GRIP1: variants seen among roughly 807,000 people sequenced by gnomAD.
GRIP1 encodes the protein glutamate receptor interacting protein 1, also known as glutamate receptor-interacting protein 1.
A neutral mutation model predicts 129.9 loss-of-function variants in GRIP1; 45 were observed. The ratio of observed to expected loss-of-function variants is 0.35; its 90% CI spans 0.27 to 0.44. The LOEUF (loss-of-function observed/expected upper bound fraction) is 0.44, where lower values mean the gene tolerates loss of function less well. GRIP1 is among the 20% of genes least tolerant of loss of function. GRIP1 has a pLI of 1.00. For missense variants in GRIP1, 1,196 were observed against 1,396.8 expected (o/e 0.86, Z 2.29); for synonymous variants, 530 against 520.8 (o/e 1.02, Z -0.24).
intron 7 of GRIP1, among the ~76,000 whole-genome samples, chr12:66,473,512 G>A (rs1237893292): frequency 6.6e-6 from 1 of 152,226 alleles, no homozygotes; most frequent in Admixed American, 6.5e-5. Context: ...TGGGTCCCTT[G>A]AGGGGACAGT....
intron 15 of GRIP1, among the ~76,000 whole-genome samples, chr12:66,412,306 G>C (rs953850928): frequency 3.3e-5 from 5 of 152,338 alleles, no homozygotes; most frequent in Non-Finnish European, 4.4e-5. Flanking sequence ...CTACAAGCCA[G>C]AAGAGTTTGG....
chr12:66,449,189 C>A (rs537600482), intron 11 of GRIP1, among the ~76,000 whole-genome samples: 12 of 152,320 alleles, frequency 7.9e-5, no homozygotes, highest in Non-Finnish European at 1.8e-4. Context: ...CCACCTGACC[C>A]TGAGTTTTTG....
At chr12:66,760,812 T>A (rs2037451549) in intron 1 of GRIP1, among the ~76,000 whole-genome samples, 1 of 152,078 alleles carries the variant, frequency 6.6e-6, no homozygotes, top group East Asian at 1.9e-4. Context: ...CTGGAACTTT[T>A]CTCAGATCAA....
At chr12:67,027,901 T>A (rs934895906) in intron 1 of GRIP1, among the ~76,000 whole-genome samples, 1 of 152,146 alleles carries the variant, frequency 6.6e-6, no homozygotes, top group African/African-American at 2.4e-5. Flanking sequence ...TGACCAGATA[T>A]GCCTCTTGAA....
At chr12:66,753,138 A>G (rs2037179721) in intron 1 of GRIP1, among the ~76,000 whole-genome samples, 1 of 152,102 alleles carries the variant, frequency 6.6e-6, no homozygotes, top group Non-Finnish European at 1.5e-5. Flanking sequence ...TCATGCTCTT[A>G]TATCCTAGGT....
At chr12:66,682,865 A>G (rs2034638158), upstream of GRIP1, among the ~76,000 whole-genome samples, 1 of 152,202 alleles carries the variant, frequency 6.6e-6, no homozygotes, top group African/African-American at 2.4e-5. Context: ...CACTTTCTTC[A>G]ACTTCATAAA....
chr12:66,823,597 AT>A (rs1319341415), intron 1 of GRIP1, among the ~76,000 whole-genome samples: 7 of 152,156 alleles, frequency 4.6e-5, no homozygotes, highest in Non-Finnish European at 7.4e-5. Context: ...AAAAATTAAG[AT>A]TTTGTACTTT....
At chr12:66,385,059 G>A (rs1464888423) in intron 19 of GRIP1, among the ~76,000 whole-genome samples, 1 of 152,180 alleles carries the variant, frequency 6.6e-6, no homozygotes, top group African/African-American at 2.4e-5. Flanking sequence ...GGGAATAAAT[G>A]AGGCAGCCCA....
intron 6 of GRIP1, among the ~76,000 whole-genome samples, chr12:66,517,627 G>T (rs2060884665): frequency 6.6e-6 from 1 of 152,084 alleles, no homozygotes; most frequent in African/African-American, 2.4e-5. Flanking sequence ...AAACTGATCA[G>T]CTCTGAAAGG....
intron 1 of GRIP1, among the ~76,000 whole-genome samples, chr12:66,912,958 G>A (rs893496031): frequency 2.0e-5 from 3 of 152,106 alleles, no homozygotes; most frequent in Admixed American, 6.6e-5. Flanking sequence ...CAGGTACCAC[G>A]TGTTCATGCC....
At chr12:66,909,370 T>G (rs2040991506) in intron 1 of GRIP1, among the ~76,000 whole-genome samples, 1 of 152,208 alleles carries the variant, frequency 6.6e-6, no homozygotes, top group African/African-American at 2.4e-5. Flanking sequence ...TTGGGGTGAA[T>G]GCTAAATTCA....
intron 1 of GRIP1, among the ~76,000 whole-genome samples, chr12:66,849,028 C>T (rs769932440): frequency 2.2e-4 from 33 of 152,158 alleles, no homozygotes; most frequent in Non-Finnish European, 5.9e-5. Context: ...CTCCATCCTG[C>T]ATATTGCTGC....
At chr12:67,010,216 T>A (rs766055068) in intron 1 of GRIP1, among the ~76,000 whole-genome samples, 14 of 151,990 alleles carry the variant, frequency 9.2e-5, no homozygotes, top group Non-Finnish European at 1.9e-4. Flanking sequence ...AAGAAAAAAA[T>A]TTAAATGAAT....
At chr12:66,684,532 T>C (rs190838944) in intron 1 of GRIP1, among the ~76,000 whole-genome samples, 207 of 152,222 alleles carry the variant, frequency 1.4e-3, no homozygotes, top group Non-Finnish European at 2.4e-3. Context: ...TCAGCCCAAA[T>C]TTGCTCCCTC....
chr12:66,528,771 A>G (rs2061348591), intron 5 of GRIP1, among the ~76,000 whole-genome samples: 1 of 152,170 alleles, frequency 6.6e-6, no homozygotes, highest in African/African-American at 2.4e-5. Context: ...CTCTGTATTA[A>G]TGAACCAAAA....
intron 15 of GRIP1, among the ~76,000 whole-genome samples, chr12:66,419,453 T>C (rs754425183): frequency 1.4e-4 from 21 of 152,102 alleles, no homozygotes; most frequent in Non-Finnish European, 2.1e-4. Flanking sequence ...AAAAGTATAA[T>C]TGGATTGTTT....
intron 4 of GRIP1, among the ~76,000 whole-genome samples, chr12:66,533,225 AG>A (rs1161469592): frequency 6.6e-6 from 1 of 152,054 alleles, no homozygotes; most frequent in Non-Finnish European, 1.5e-5. Flanking sequence ...TAATTGAGAC[AG>A]GGTCTTTCTA....
At chr12:66,451,657 G>A (rs189337961) in intron 11 of GRIP1, among the ~76,000 whole-genome samples, 115 of 151,808 alleles carry the variant, frequency 7.6e-4, no homozygotes, top group African/African-American at 2.7e-3. Flanking sequence ...TGATCCACCC[G>A]CCTCAGCCTC....
chr12:66,838,187 T>TA (rs56259335), intron 1 of GRIP1, among the ~76,000 whole-genome samples: 76,925 of 137,432 alleles, frequency 0.56, 23,942 homozygotes, highest in Non-Finnish European at 0.72. Context: ...AGACTCCACC[T>TA]AAAAAAAAAA....
Sources: gnomAD v4.1 joint callset for allele counts (sites outside exome capture counted in the v4.1 genomes callset) on GRCh38, gnomAD v4.1.1 for gene constraint, MANE v1.5 for transcripts, NCBI Gene and HGNC (gene_info 2026-07-23, HGNC 2026-07-21) for gene names.